Variants in SMG6 observed in about 807,000 individuals in gnomAD.
The protein encoded by SMG6 is SMG6 nonsense mediated mRNA decay factor.
SMG6 carries 66 observed loss-of-function variants against 142.2 expected under a neutral mutation model. The observed-to-expected ratio is 0.46, with a 90% CI of 0.38 to 0.57. The LOEUF (loss-of-function observed/expected upper bound fraction) is 0.57, where lower values mean the gene tolerates loss of function less well. Ranked by LOEUF, SMG6 falls within the 20% of genes least tolerant of loss-of-function variation. The pLI, the probability that SMG6 is intolerant of heterozygous loss-of-function variation, is 0.00. For missense variants in SMG6, 1,793 were observed against 1,832.0 expected, an observed-to-expected ratio of 0.98 and a Z score of 0.39; for synonymous variants, 779 against 702.4, an observed-to-expected ratio of 1.11 and a Z score of -1.72.
intron 10 of SMG6, among the ~76,000 whole-genome samples, chr17:2,210,137 G>A (rs1268031838): frequency 6.6e-6 from 1 of 152,136 alleles, no homozygotes; most frequent in African/African-American, 2.4e-5. Flanking sequence ...TTGCTGGACT[G>A]GGTAAGCCCT....
At chr17:2,261,499 T>C (rs2074313604) in intron 8 of SMG6, among the ~76,000 whole-genome samples, 1 of 152,242 alleles carries the variant, frequency 6.6e-6, no homozygotes, top group African/African-American at 2.4e-5. Context: ...GCCACAACTT[T>C]TTCTACTAGT....
chr17:2,124,458 G>A (rs1456730617), intron 13 of SMG6, among the ~76,000 whole-genome samples: 3 of 152,162 alleles, frequency 2.0e-5, no homozygotes, highest in Non-Finnish European at 4.4e-5. Context: ...TTCCATTTCT[G>A]GCCTAAAGTG....
chr17:2,254,708 C>A (rs927018904), intron 8 of SMG6, among the ~76,000 whole-genome samples: 11 of 152,072 alleles, frequency 7.2e-5, no homozygotes, highest in Non-Finnish European at 1.2e-4. Flanking sequence ...ACACATGGAC[C>A]CATACATTTA....
chr17:2,257,834 A>T (rs1597725765), intron 8 of SMG6, among the ~76,000 whole-genome samples: 1 of 151,592 alleles, frequency 6.6e-6, no homozygotes, highest in East Asian at 1.9e-4. Flanking sequence ...CAAATGGCGA[A>T]ACCCCATCTC....
intron 13 of SMG6, among the ~76,000 whole-genome samples, chr17:2,092,335 T>G (rs1265509758): frequency 6.6e-6 from 1 of 152,178 alleles, no homozygotes; most frequent in Non-Finnish European, 1.5e-5. Context: ...GGTCACAAGA[T>G]GAAATGCTAA....
At chr17:2,285,101 T>C (rs1597785482) in intron 6 of SMG6, among the ~76,000 whole-genome samples, 1 of 152,228 alleles carries the variant, frequency 6.6e-6, no homozygotes, top group Non-Finnish European at 1.5e-5. Flanking sequence ...TACATATTTA[T>C]CAAGTCTAAT....
intron 8 of SMG6, among the ~76,000 whole-genome samples, chr17:2,273,807 AC>A (rs1188433325): frequency 1.3e-5 from 2 of 151,980 alleles, no homozygotes; most frequent in African/African-American, 4.8e-5. Flanking sequence ...AAAAAAAAAA[AC>A]CCAAAAAAAG....
At chr17:2,287,856 A>C (rs1597790306) in intron 6 of SMG6, among the ~76,000 whole-genome samples, 1 of 152,206 alleles carries the variant, frequency 6.6e-6, no homozygotes, top group East Asian at 1.9e-4. Flanking sequence ...CCAAATTCAT[A>C]GTGACAGAAA....
At chr17:2,281,398 G>C (rs2074782840) in intron 8 of SMG6, among the ~76,000 whole-genome samples, 1 of 152,056 alleles carries the variant, frequency 6.6e-6, no homozygotes, top group African/African-American at 2.4e-5. Flanking sequence ...CAAAGTGCTG[G>C]GATTACAGAT....
chr17:2,116,764 T>C (rs2069519502), intron 13 of SMG6, among the ~76,000 whole-genome samples: 1 of 151,590 alleles, frequency 6.6e-6, no homozygotes, highest in Non-Finnish European at 1.5e-5. Flanking sequence ...ATAAAAACCC[T>C]GAAAAGATGA....
intron 13 of SMG6, among the ~76,000 whole-genome samples, chr17:2,097,078 G>T (rs147700469): frequency 3.7e-4 from 57 of 152,256 alleles, no homozygotes; most frequent in African/African-American, 1.3e-3. Context: ...ACTTCTGGTG[G>T]AGAGGACTCA....
intron 13 of SMG6, among the ~76,000 whole-genome samples, chr17:2,092,867 G>A (rs889274289): frequency 6.6e-6 from 1 of 152,206 alleles, no homozygotes; most frequent in African/African-American, 2.4e-5. Context: ...TAACCTCTCT[G>A]AGCCTTTGTT....
chr17:2,255,572 G>GTCAGC, intron 8 of SMG6: 1 of 155,308 alleles, frequency 6.4e-6, no homozygotes, highest in Non-Finnish European at 1.4e-5. Flanking sequence ...GGTGGCGGGC[G>GTCAGC]CCTCCGCCCG....
intron 15 of SMG6, among the ~76,000 whole-genome samples, chr17:2,076,397 A>C (rs927149985): frequency 2.0e-5 from 3 of 152,150 alleles, no homozygotes; most frequent in Non-Finnish European, 4.4e-5. Context: ...CCCAACTCCC[A>C]GGACAATTTA....
chr17:2,163,124 G>C (rs1265642122), intron 13 of SMG6, among the ~76,000 whole-genome samples: 1 of 152,088 alleles, frequency 6.6e-6, no homozygotes, highest in Non-Finnish European at 1.5e-5. Context: ...GAGCCAACAT[G>C]CCTGGCTGCT....
rs201904930 is a variant in SMG6 at position 2,085,704 on chromosome 17, C to G, written c.3534+21G>C. On this transcript the variant is annotated intron_variant, in intron 14 of 18. Transcript: ENST00000263073. The surrounding 1 kb of genome is among the most constrained non-coding windows in gnomAD (Gnocchi z 4.1). ...GGAGGGGGCCTTCCCTCTGCCACAG[C>G]GGGCTCTTCCCGCATAGTACCTCAT... The G allele has an allele frequency of 5.0e-6, 8 of 1,596,348 alleles. No individual in the cohort carries two copies. The highest frequency in any genetic ancestry group is 6.8e-6 in the Non-Finnish European group (8 of 1,171,388).
intron 13 of SMG6, among the ~76,000 whole-genome samples, chr17:2,132,378 A>G (rs547997664): frequency 6.6e-6 from 1 of 152,298 alleles, no homozygotes; most frequent in East Asian, 1.9e-4. Context: ...TTAACAGCAG[A>G]TGCGTCACCC....
intron 6 of SMG6, among the ~76,000 whole-genome samples, chr17:2,288,041 T>C (rs552431627): frequency 7.2e-5 from 11 of 152,254 alleles, no homozygotes; most frequent in East Asian, 3.9e-4. Flanking sequence ...AGGCAGGGCA[T>C]GGTGGCTCAC....
In SMG6 at chr17:2,085,480, C is replaced by T. The variant is rs1288470045; in HGVS notation, c.3534+245G>A. On this transcript the variant is annotated intron_variant, in intron 14 of 18. Coordinates refer to ENST00000263073, the MANE Select transcript of SMG6 (RefSeq NM_017575.5). This position sits in a 1 kb window ranked among gnomAD's most constrained non-coding sequence, Gnocchi z 4.1. ...ATTATTCAACTCCTTTCTTTCTTTT[C>T]CTCCCTTCTCCTCAATGCAGCATTA... Among the ~76,000 whole-genome samples, 1 of 152,160 alleles carries T rather than the reference C, an allele frequency of 6.6e-6. No homozygotes were observed. The highest frequency in any genetic ancestry group is 2.4e-5 in the African/African-American group (1 of 41,432).
Sources: allele counts gnomAD v4.1 joint callset (sites outside exome capture counted in the v4.1 genomes callset), GRCh38; gene constraint gnomAD v4.1.1; non-coding constraint Gnocchi (gnomAD v3.1); transcripts MANE v1.5; gene names NCBI Gene and HGNC (gene_info 2026-07-23, HGNC 2026-07-21).